MCC: variants seen among roughly 807,000 people sequenced by gnomAD.
MCC encodes the protein MCC regulator of Wnt signaling pathway.
MCC carries 90 observed loss-of-function variants against 116.2 expected under a neutral mutation model. The ratio of observed to expected loss-of-function variants is 0.77; its 90% CI spans 0.65 to 0.92. The LOEUF (loss-of-function observed/expected upper bound fraction) is 0.92. Ranked by LOEUF, MCC falls within the 40% of genes least tolerant of loss-of-function variation. MCC has a pLI of 0.00. For missense variants in MCC, 1,516 were observed against 1,312.2 expected, an observed-to-expected ratio of 1.16 and a Z score of -2.40; for synonymous variants, 578 against 510.5, an observed-to-expected ratio of 1.13 and a Z score of -1.78.
intron 3 of MCC, among the ~76,000 whole-genome samples, chr5:113,279,478 G>A (rs1016502262): frequency 2.0e-5 from 3 of 152,118 alleles, no homozygotes. Context: ...CATTTCTACT[G>A]GATTAAGAAT....
chr5:113,321,669 A>G (rs1767425661), intron 3 of MCC, among the ~76,000 whole-genome samples: 1 of 152,280 alleles, frequency 6.6e-6, no homozygotes, highest in South Asian at 2.1e-4. Flanking sequence ...AATGCTCCCT[A>G]TTTCTCCAGT....
At chr5:113,286,521 T>C (rs993090837) in intron 3 of MCC, among the ~76,000 whole-genome samples, 3 of 152,248 alleles carry the variant, frequency 2.0e-5, no homozygotes, top group Non-Finnish European at 4.4e-5. Context: ...TTTCCACCTC[T>C]GGCCCCATAA....
chr5:113,161,551 G>A (rs900498745), intron 3 of MCC, among the ~76,000 whole-genome samples: 12 of 152,116 alleles, frequency 7.9e-5, no homozygotes, highest in African/African-American at 1.2e-4. Context: ...GTGCTTTGAA[G>A]AGACCCTAGA....
At chr5:113,090,506 C>T (rs369782316) in intron 8 of MCC, among the ~76,000 whole-genome samples, 42 of 152,256 alleles carry the variant, frequency 2.8e-4, no homozygotes, top group African/African-American at 8.2e-4. Context: ...AAAACCACAA[C>T]GGAGATAAGA....
chr5:113,480,364 T>C (rs558782105), intron 1 of MCC, among the ~76,000 whole-genome samples: 1 of 152,390 alleles, frequency 6.6e-6, no homozygotes, highest in East Asian at 1.9e-4. Flanking sequence ...TATTCTAGCA[T>C]TATATAAAAT....
intron 2 of MCC, among the ~76,000 whole-genome samples, chr5:113,371,408 C>G (rs763167018): frequency 1.1e-4 from 16 of 152,170 alleles, no homozygotes; most frequent in Non-Finnish European, 2.4e-4. Context: ...TGGCTATAAT[C>G]TTGTAATTCA....
At chr5:113,032,821 A>C (rs1447259797) in intron 17 of MCC, among the ~76,000 whole-genome samples, 1 of 152,226 alleles carries the variant, frequency 6.6e-6, no homozygotes, top group African/African-American at 2.4e-5. Flanking sequence ...AGCAAACCCA[A>C]GACGGCCACA....
chr5:113,031,608 A>G (rs1750960787), intron 17 of MCC, among the ~76,000 whole-genome samples: 1 of 152,188 alleles, frequency 6.6e-6, no homozygotes, highest in Non-Finnish European at 1.5e-5. Context: ...AAGAGTTAAA[A>G]ATGTAACCAC....
At chr5:113,394,646 G>C (rs1769481580) in intron 1 of MCC, among the ~76,000 whole-genome samples, 2 of 152,120 alleles carry the variant, frequency 1.3e-5, no homozygotes, top group South Asian at 4.1e-4. Context: ...TCAAACTCCA[G>C]CGCATGTTTC....
At chr5:113,103,664 A>G (rs1756563640) in intron 7 of MCC, among the ~76,000 whole-genome samples, 1 of 150,932 alleles carries the variant, frequency 6.6e-6, no homozygotes, top group Admixed American at 6.6e-5. Context: ...TGCTATGCCC[A>G]GGTCACTAAG....
At chr5:113,156,230 G>A (rs983394161) in intron 3 of MCC, among the ~76,000 whole-genome samples, 17 of 152,204 alleles carry the variant, frequency 1.1e-4, no homozygotes, top group African/African-American at 4.1e-4. Flanking sequence ...GGCAAATGAA[G>A]CTGATCTAAT....
intron 11 of MCC, among the ~76,000 whole-genome samples, 153 bp downstream of exon 11, chr5:113,082,707 G>A (rs1184659142): frequency 6.6e-6 from 1 of 152,194 alleles, no homozygotes; most frequent in Non-Finnish European, 1.5e-5. Context: ...CTCCTCTGAT[G>A]ACCAAGGTGG....
chr5:113,225,326 C>T, intron 3 of MCC, among the ~76,000 whole-genome samples: 1 of 152,178 alleles, frequency 6.6e-6, no homozygotes, highest in East Asian at 1.9e-4. Flanking sequence ...AGTTCCAATC[C>T]ACCCAGGCAG....
At chr5:113,131,397 C>T (rs770453548) in intron 5 of MCC, among the ~76,000 whole-genome samples, 7 of 151,966 alleles carry the variant, frequency 4.6e-5, no homozygotes, top group Admixed American at 2.0e-4. Flanking sequence ...CAAAACAGTG[C>T]GTGTTATATG....
In MCC at chr5:113,114,723, C is replaced by T. The variant is rs185705619; in HGVS notation, c.1027+7961G>A. 4.7e-3 allele frequency among the ~76,000 whole-genome samples: 715 copies of T among 152,222 alleles called. 7 individuals carry two copies. Among genetic ancestry groups the T allele is most frequent in the African/African-American group, 0.016 (677 of 41,522 alleles). On this transcript the variant is annotated intron_variant, in intron 6 of 18. Transcript: ENST00000408903. ...TGACTTCAGAGCGATGGCTTGACAC[C>T]GTTGCTTCGGAGAGGAGTCTGGCTG...
intron 6 of MCC, among the ~76,000 whole-genome samples, chr5:113,109,107 A>G (rs1756927520): frequency 6.6e-6 from 1 of 152,228 alleles, no homozygotes; most frequent in Non-Finnish European, 1.5e-5. Context: ...AGTCTGTGGC[A>G]TAAGGTGCCA....
intron 1 of MCC, among the ~76,000 whole-genome samples, chr5:113,418,229 C>A (rs1403787283): frequency 6.6e-6 from 1 of 150,958 alleles, no homozygotes; most frequent in African/African-American, 2.4e-5. Flanking sequence ...TAGGGGTACA[C>A]GTTGTGCACA....
At chr5:113,094,701 T>C (rs1755897974) in intron 8 of MCC, among the ~76,000 whole-genome samples, 1 of 152,224 alleles carries the variant, frequency 6.6e-6, no homozygotes, top group African/African-American at 2.4e-5. Flanking sequence ...ATTACAGGCA[T>C]GAGCCACCGC....
At chr5:113,107,726 C>T (rs957483029) in intron 6 of MCC, among the ~76,000 whole-genome samples, 3 of 152,174 alleles carry the variant, frequency 2.0e-5, no homozygotes, top group African/African-American at 7.2e-5. Context: ...ATGAAATATT[C>T]AGACATTCTG....
Sources: gnomAD v4.1 joint callset for allele counts (sites outside exome capture counted in the v4.1 genomes callset) on GRCh38, gnomAD v4.1.1 for gene constraint, MANE v1.5 for transcripts, NCBI Gene and HGNC (gene_info 2026-07-23, HGNC 2026-07-21) for gene names.